Variants in ECT2 observed in about 807,000 individuals in gnomAD.
ECT2 encodes the protein epithelial cell transforming 2.
A neutral mutation model predicts 116.9 loss-of-function variants in ECT2; 61 were observed. The observed-to-expected ratio is 0.52, with a 90% confidence interval of 0.42 to 0.65. The LOEUF (loss-of-function observed/expected upper bound fraction) is 0.65. ECT2 is among the 30% of genes least tolerant of loss of function. The probability of loss-of-function intolerance (pLI) is 0.00; values close to 1 mark genes in which losing one functional copy is unlikely to be tolerated. For missense variants in ECT2, 937 were observed against 1,078.7 expected, an observed-to-expected ratio of 0.87 and a Z score of 1.84; for synonymous variants, 358 against 346.4, an observed-to-expected ratio of 1.03 and a Z score of -0.37.
chr3:172,809,672 G>C (rs917061581), intron 22 of ECT2, among the ~76,000 whole-genome samples: 1 of 151,630 alleles, frequency 6.6e-6, no homozygotes, highest in Non-Finnish European at 1.5e-5. Flanking sequence ...TTTGTTTTTG[G>C]TACCCTGTAT....
the ECT2 span, among the ~76,000 whole-genome samples, chr3:172,827,593 A>T: frequency 6.6e-6 from 1 of 152,170 alleles, no homozygotes; most frequent in East Asian, 1.9e-4. Flanking sequence ...ACACATGGAG[A>T]TAGAGTAGAG....
intron 24 of ECT2, among the ~76,000 whole-genome samples, chr3:172,819,157 G>A (rs558461658): frequency 1.3e-5 from 2 of 152,154 alleles, no homozygotes; most frequent in African/African-American, 4.8e-5. Flanking sequence ...TGTGAGGAAA[G>A]TGTAAACTTT....
chr3:172,784,585 T>C (rs1434882337), intron 16 of ECT2, 122 bp from the exon 17 acceptor site: 2 of 690,010 alleles, frequency 2.9e-6, no homozygotes, highest in African/African-American at 3.6e-5. Context: ...CACGGAGAAA[T>C]TCCACTTCTT....
intron 21 of ECT2, among the ~76,000 whole-genome samples, chr3:172,806,677 A>G (rs1727810886): frequency 1.0e-5 from 1 of 95,568 alleles, no homozygotes; most frequent in Non-Finnish European, 1.9e-5. Context: ...TTTTGAGATG[A>G]CGTCTTAGTC....
At chr3:172,803,231 A>G (rs1046361153) in intron 20 of ECT2, among the ~76,000 whole-genome samples, 7 of 152,190 alleles carry the variant, frequency 4.6e-5, no homozygotes, top group African/African-American at 1.7e-4. Context: ...TTCCATGCAA[A>G]TAAATGCTTA....
At chr3:172,809,358 AT>A (rs1728343212) in intron 22 of ECT2, among the ~76,000 whole-genome samples, 1 of 152,180 alleles carries the variant, frequency 6.6e-6, no homozygotes, top group South Asian at 2.1e-4. Context: ...TAGCCACAAG[AT>A]GGCAGCAAAC....
At chr3:172,789,057 CAAAAAAA>C (rs71162310) in intron 18 of ECT2, among the ~76,000 whole-genome samples, 1 of 99,562 alleles carries the variant, frequency 1.0e-5, no homozygotes, top group Admixed American at 1.1e-4. Context: ...GACTCTGTCT[CAAAAAAA>C]AAAAAAAAAA....
chr3:172,759,128 G>C (rs941416371), intron 6 of ECT2, 59 bp downstream of exon 6: 71 of 1,271,794 alleles, frequency 5.6e-5, no homozygotes, highest in Admixed American at 2.4e-5. Flanking sequence ...ATTAAAATTG[G>C]CTTTTTTTTC....
At chr3:172,754,444 C>T in intron 1 of ECT2, 65 bp from the exon 2 acceptor site, 1 of 1,192,614 alleles carries the variant, frequency 8.4e-7, no homozygotes. Context: ...TAAAAAGAGC[C>T]TCTAATACTT....
At chr3:172,762,385 C>A (rs57768608) in intron 8 of ECT2, 31 bp from the exon 9 acceptor site, 1 of 332,708 alleles carries the variant, frequency 3.0e-6, no homozygotes, top group East Asian at 2.2e-4. Context: ...TTAAGTTAAA[C>A]TGGTTTTGGA....
chr3:172,753,837 G>A (rs1398108133), intron 1 of ECT2, among the ~76,000 whole-genome samples: 1 of 152,154 alleles, frequency 6.6e-6, no homozygotes, highest in African/African-American at 2.4e-5. Context: ...TGAACTTGGT[G>A]GTGAATTTGG....
chr3:172,755,124 A>T (rs1007808105), intron 2 of ECT2, among the ~76,000 whole-genome samples, 171 bp from the exon 3 acceptor site: 2 of 151,602 alleles, frequency 1.3e-5, no homozygotes, highest in East Asian at 1.9e-4. Flanking sequence ...AAAGTGATAT[A>T]TAGCCAGATA....
chr3:172,826,373 A>G (rs1730843852), downstream of ECT2, among the ~76,000 whole-genome samples: 1 of 152,224 alleles, frequency 6.6e-6, no homozygotes, highest in African/African-American at 2.4e-5. Context: ...TGCTCTATAA[A>G]TGGAATAACA....
intron 12 of ECT2, among the ~76,000 whole-genome samples, chr3:172,767,744 T>G (rs1719783493): frequency 6.6e-6 from 1 of 151,638 alleles, no homozygotes; most frequent in Non-Finnish European, 1.5e-5. Flanking sequence ...TGAGACGGAG[T>G]CTTGCTTGGT....
Position 172,805,855 on chromosome 3 carries a change from T to C in ECT2, c.2231T>C (p.Ile744Thr). 4 of 1,613,198 alleles carry C rather than the reference T, an allele frequency of 2.5e-6. No individual in the cohort carries two copies. Among genetic ancestry groups the C allele is most frequent in the Non-Finnish European group, 3.4e-6 (4 of 1,179,562 alleles). Residue 744 changes from isoleucine (I) to threonine (T), a missense_variant, in exon 21 of 25, where the codon ATA becomes ACA. Physicochemically the swap from Ile to Thr is moderately conservative, Grantham distance 89. Transcript: ENST00000392692. ...PLSQIKKVLD[I>T]RETEDCHNAF... ...TCTCAGATTAAGAAGGTATTGGACA[T>C]AAGAGAGACAGAAGGTATGCCGGTC...
At chr3:172,798,681 T>C (rs75279554) in intron 18 of ECT2, among the ~76,000 whole-genome samples, 4,825 of 152,280 alleles carry the variant, frequency 0.032, 160 homozygotes, top group East Asian at 0.16. Context: ...CAGTTTGATA[T>C]AGTATGCTTT....
downstream of ECT2, among the ~76,000 whole-genome samples, chr3:172,825,388 TAA>T (rs1384904037): frequency 6.6e-6 from 1 of 152,066 alleles, no homozygotes; most frequent in African/African-American, 2.4e-5. Flanking sequence ...TAGGAATTAC[TAA>T]ACTTAGTGAG....
intron 18 of ECT2, among the ~76,000 whole-genome samples, chr3:172,799,005 G>GGTTTC (rs1726237825): frequency 6.6e-6 from 1 of 152,130 alleles, no homozygotes; most frequent in Non-Finnish European, 1.5e-5. Flanking sequence ...GCCTTGGTTT[G>GGTTTC]GTTTCCTAGC....
intron 13 of ECT2, chr3:172,771,216 A>G (rs1230908152): frequency 1.3e-5 from 2 of 152,198 alleles, no homozygotes; most frequent in African/African-American, 4.8e-5. Flanking sequence ...AGATGACTAA[A>G]GGTAACATAG....
Sources: allele counts gnomAD v4.1 joint callset (sites outside exome capture counted in the v4.1 genomes callset), GRCh38; gene constraint gnomAD v4.1.1; transcripts MANE v1.5; gene names NCBI Gene and HGNC (gene_info 2026-07-23, HGNC 2026-07-21).